Variants in KSR1 observed in about 807,000 individuals in gnomAD.
KSR1 encodes kinase suppressor of ras.
Under a neutral mutation model 92.9 loss-of-function variants are expected in KSR1, and 35 were observed. That is an observed-to-expected ratio of 0.38 (90% CI 0.29 to 0.50). KSR1 has a LOEUF of 0.50. Among genes scored for constraint, KSR1 ranks in the 20% least tolerant of loss-of-function variants. The pLI, the probability that KSR1 is intolerant of heterozygous loss-of-function variation, is 0.94. For missense variants in KSR1, 972 were observed against 1,158.5 expected (o/e 0.84, Z 2.34); for synonymous variants, 467 against 472.6 (o/e 0.99, Z 0.15).
chr17:27,576,120 T>A (rs1366183661), intron 2 of KSR1, among the ~76,000 whole-genome samples: 1 of 152,200 alleles, frequency 6.6e-6, no homozygotes, highest in Non-Finnish European at 1.5e-5. Context: ...AAAGTCTGCT[T>A]TTCACGCTTC....
chr17:27,599,078 C>T (rs75040807), intron 10 of KSR1, among the ~76,000 whole-genome samples: 1 of 152,230 alleles, frequency 6.6e-6, no homozygotes, highest in Admixed American at 6.5e-5. Flanking sequence ...AGCGCACTTA[C>T]GTAAACCCAG....
At chr17:27,539,968 T>A (rs1435531009) in intron 1 of KSR1, among the ~76,000 whole-genome samples, 1 of 152,244 alleles carries the variant, frequency 6.6e-6, no homozygotes, top group African/African-American at 2.4e-5. Context: ...CCGTGGCACA[T>A]AAAATGGCCT....
intron 2 of KSR1, among the ~76,000 whole-genome samples, chr17:27,551,519 C>T (rs1035305913): frequency 6.6e-6 from 1 of 151,994 alleles, no homozygotes; most frequent in Admixed American, 6.5e-5. Context: ...AAATCACATA[C>T]ATACTCCTAA....
intron 18 of KSR1, 98 bp downstream of exon 18, chr17:27,611,727 G>T: frequency 7.0e-7 from 1 of 1,435,350 alleles, no homozygotes; most frequent in South Asian, 1.2e-5. Flanking sequence ...AAATGGGGTC[G>T]GTGAGGAGCT....
At chr17:27,609,710 C>T (rs1287972900) in intron 16 of KSR1, 2 of 334,474 alleles carry the variant, frequency 6.0e-6, no homozygotes, top group African/African-American at 2.1e-5. Context: ...AGCATGGCAG[C>T]AAGGCTGCAA....
At chr17:27,496,526 T>A (rs1180562447) in intron 1 of KSR1, among the ~76,000 whole-genome samples, 1 of 152,148 alleles carries the variant, frequency 6.6e-6, no homozygotes, top group Admixed American at 6.5e-5. Context: ...ACCTCTCCCC[T>A]CCCTTCCAAC....
In KSR1 at chr17:27,582,805, C is replaced by T. The variant is rs1230906349; in HGVS notation, c.680C>T (p.Ser227Phe). Residue 227 changes from serine to phenylalanine, a missense_variant, in exon 4 of 21, where the codon TCC (serine) becomes TTC (phenylalanine). Ser to Phe is a radical substitution (Grantham distance 155). Around this residue, in one of 5 missense-constraint regions of KSR1, gnomAD observed 611 missense variants for 668.0 expected, o/e 0.91. Coordinates refer to ENST00000644974, the MANE Select transcript of KSR1 (RefSeq NM_001394583.1). ...RAGNSAQGPR[S>F]ISVSALPASD... The stretch of plus-strand genomic sequence containing the variant: ...GGCAACAGCGCCCAGGGCCCACGCT[C>T]CATCTCCGTGTCAGCTCTGCCCGCC... The T allele has an allele frequency of 6.2e-7, 1 of 1,613,668 alleles. No individual in the cohort carries two copies. Among genetic ancestry groups the T allele is most frequent in the Non-Finnish European group, 8.5e-7 (1 of 1,179,736 alleles).
intron 1 of KSR1, among the ~76,000 whole-genome samples, chr17:27,538,094 A>G (rs2070817050): frequency 6.6e-6 from 1 of 152,220 alleles, no homozygotes; most frequent in Non-Finnish European, 1.5e-5. Flanking sequence ...AATGAGGGAT[A>G]CCTTCTTTTT....
intron 1 of KSR1, among the ~76,000 whole-genome samples, chr17:27,485,307 G>A (rs965387162): frequency 2.6e-5 from 4 of 152,184 alleles, no homozygotes; most frequent in Non-Finnish European, 5.9e-5. Context: ...GGTGATGGGT[G>A]GATGCTAGGC....
chr17:27,532,905 TG>T (rs2070599984), intron 1 of KSR1, among the ~76,000 whole-genome samples: 1 of 152,188 alleles, frequency 6.6e-6, no homozygotes, highest in Non-Finnish European at 1.5e-5. Flanking sequence ...GCCTCAAGCC[TG>T]GAGGGGCAGC....
intron 1 of KSR1, among the ~76,000 whole-genome samples, chr17:27,462,072 G>A (rs1597817109): frequency 6.6e-6 from 1 of 152,164 alleles, no homozygotes; most frequent in Non-Finnish European, 1.5e-5. Context: ...GGGGTTAGGG[G>A]AATGATCTTG....
intron 2 of KSR1, among the ~76,000 whole-genome samples, chr17:27,565,171 A>T (rs774213736): frequency 5.3e-5 from 8 of 152,238 alleles, no homozygotes; most frequent in African/African-American, 1.4e-4. Flanking sequence ...CTGTAATCTT[A>T]CTACTCAAAG....
chr17:27,622,119 C>T, intron 20 of KSR1: 1 of 629,236 alleles, frequency 1.6e-6, no homozygotes, highest in Non-Finnish European at 2.8e-6. Context: ...CCTCTGCCCT[C>T]TCCACGTGGC....
intron 10 of KSR1, 69 bp from the exon 11 acceptor site, chr17:27,601,291 T>C: frequency 7.2e-7 from 1 of 1,390,494 alleles, no homozygotes; most frequent in Non-Finnish European, 1.0e-6. Context: ...AGCCGGTACC[T>C]GCAATTCCGC....
intron 1 of KSR1, among the ~76,000 whole-genome samples, chr17:27,526,048 C>CTTTTCTTTTCTTTTCTTTTCTTTA (rs2070267078): frequency 6.1e-5 from 1 of 16,426 alleles, no homozygotes; most frequent in South Asian, 2.3e-3. Flanking sequence ...TTTTCTTTCT[C>CTTTTCTTTTCTTTTCTTTTCTTTA]TCTCTCTCTC....
rs2072566068 is a variant in KSR1 at position 27,577,673 on chromosome 17, G to T, written c.520+34G>T. Reference sequence around the variant, plus strand: ...GGCCTGCCACCCTCTCCCTTGCCTGGCCTGGTGCCCTTGGGGCTGTGGCCT... The same window carrying T: ...GGCCTGCCACCCTCTCCCTTGCCTGTCCTGGTGCCCTTGGGGCTGTGGCCT... On this transcript the variant is annotated intron_variant, in intron 3 of 20. Coordinates refer to ENST00000644974, the MANE Select transcript of KSR1 (RefSeq NM_001394583.1). This position sits in a 1 kb window ranked among gnomAD's most constrained non-coding sequence, Gnocchi z 4.5. 4 of 1,495,406 alleles carry T rather than the reference G, an allele frequency of 2.7e-6. No individual in the cohort carries two copies. In the East Asian group the frequency reaches 9.8e-5, roughly 37 times the overall value. The allele number at this position is 1,495,406 out of a possible 1,614,324, so 92.6% of individuals were successfully genotyped here. A position where few individuals can be genotyped will look rare whatever the true frequency, so the allele number is the denominator to read the frequency against.
intron 9 of KSR1, 104 bp from the exon 10 acceptor site, chr17:27,597,164 T>G (rs1236124125): frequency 2.3e-5 from 29 of 1,277,918 alleles, no homozygotes; most frequent in Non-Finnish European, 2.1e-5. Flanking sequence ...GAGGATTCCC[T>G]GGGCTGACTG....
chr17:27,570,891 G>A (rs1237739365), intron 2 of KSR1, among the ~76,000 whole-genome samples: 1 of 152,230 alleles, frequency 6.6e-6, no homozygotes, highest in African/African-American at 2.4e-5. Context: ...TGGGGCCCAA[G>A]CATTGCGATT....
At chr17:27,622,947 T>C (rs1196780615) in intron 20 of KSR1, 1 of 278,404 alleles carries the variant, frequency 3.6e-6, no homozygotes, top group Non-Finnish European at 6.7e-6. Context: ...ACATGCCCTG[T>C]CACTCCTGGT....
Sources: gnomAD v4.1 joint callset for allele counts (sites outside exome capture counted in the v4.1 genomes callset) on GRCh38, gnomAD v4.1.1 for gene constraint, gnomAD v4.1.1 regional missense constraint, Gnocchi (gnomAD v3.1) non-coding constraint, MANE v1.5 for transcripts, NCBI Gene and HGNC (gene_info 2026-07-23, HGNC 2026-07-21) for gene names.